Variants in CNNM4 observed in about 807,000 individuals in gnomAD.
CNNM4 encodes cyclin and CBS domain divalent metal cation transport mediator 4.
In CNNM4, 32 loss-of-function variants were observed where a neutral mutation model predicts 53.7. That is an observed-to-expected ratio of 0.60 (90% CI 0.45 to 0.80). The LOEUF (loss-of-function observed/expected upper bound fraction) is 0.80. Among genes scored for constraint, CNNM4 ranks in the 30% least tolerant of loss-of-function variants. The pLI, the probability that CNNM4 is intolerant of heterozygous loss-of-function variation, is 0.00. For missense variants in CNNM4, 784 were observed against 1,022.0 expected (o/e 0.77, Z 3.17); for synonymous variants, 410 against 440.0 (o/e 0.93, Z 0.85).
chr2:96,761,040 C>G lies in CNNM4; in HGVS notation c.41C>G (p.Pro14Arg). ...VGGGGRPVGG[P>R]ARGRLLLAAP... is the part of the protein sequence containing the mutation. ...GGGGGCGGGCGCCCGGTCGGCGGAC[C>G]GGCCCGCGGGCGCCTCCTCCTGGCG... Residue 14 changes from proline to arginine, a missense_variant, in exon 1 of 7, where the codon CCG becomes CGG. By Grantham distance (103) the Pro-to-Arg change is moderately radical. Transcript: ENST00000377075. This position sits in a 1 kb window ranked among gnomAD's most constrained non-coding sequence, Gnocchi z 6.0. The G allele has an allele frequency of 3.3e-6, 4 of 1,226,008 alleles. No individual in the cohort carries two copies. Among genetic ancestry groups the G allele is most frequent in the Non-Finnish European group, 4.1e-6 (4 of 980,654 alleles). The allele number at this position is 1,226,008 out of a possible 1,614,324, so 75.9% of individuals were successfully genotyped here. A position where few individuals can be genotyped will look rare whatever the true frequency, so the allele number is the denominator to read the frequency against.
In CNNM4 at chr2:96,793,393, C is replaced by T. The variant is rs561447286; in HGVS notation, c.1403-3619C>T. On this transcript the variant is annotated intron_variant, in intron 1 of 6. Coordinates refer to ENST00000377075, the MANE Select transcript of CNNM4 (RefSeq NM_020184.4). The stretch of plus-strand genomic sequence containing the variant: ...CCTGCAGAGGGTGACTGACTGGCCC[C>T]TTAGGCTGGAACCTCTGTACGGAAC... Among the ~76,000 whole-genome samples the T allele has an allele frequency of 2.0e-5, 3 of 152,354 alleles. No homozygotes were observed. The South Asian group carries it at 6.2e-4, about 32-fold the overall frequency.
intron 1 of CNNM4, among the ~76,000 whole-genome samples, chr2:96,765,183 A>AGGCC (rs2078805322): frequency 1.3e-5 from 2 of 148,530 alleles, no homozygotes; most frequent in Non-Finnish European, 3.0e-5. Context: ...CTGGAGTGTA[A>AGGCC]TGGCACAATC....
rs1472111098 is a variant in CNNM4, at chr2:96,762,133, C to T, written c.1134C>T (p.Thr378=). The T allele has an allele frequency of 6.2e-7, 1 of 1,613,984 alleles. No homozygotes were observed. The highest frequency in any genetic ancestry group is 8.5e-7 in the Non-Finnish European group (1 of 1,180,032). Residue 378 remains threonine, a synonymous_variant, in exon 1 of 7, where the codon ACC becomes ACT. Coordinates refer to ENST00000377075, the MANE Select transcript of CNNM4 (RefSeq NM_020184.4). ...CCAAAACTGTAGAGGATATCATGACCCAGCTCCAGGACTGCTTCATGATCC... is the reference window on the plus strand; with the variant it reads ...CCAAAACTGTAGAGGATATCATGACTCAGCTCCAGGACTGCTTCATGATCC... ...LRTKTVEDIM[T]QLQDCFMIRS...
intron 5 of CNNM4, among the ~76,000 whole-genome samples, chr2:96,807,286 G>A (rs114898690): frequency 0.024 from 3,657 of 152,220 alleles, 171 homozygotes; most frequent in African/African-American, 0.082. Flanking sequence ...TTACAGGTGT[G>A]AGCCACCTCG....
At chr2:96,802,030 C>G (rs1321176029) in intron 5 of CNNM4, among the ~76,000 whole-genome samples, 1 of 150,622 alleles carries the variant, frequency 6.6e-6, no homozygotes, top group African/African-American at 2.4e-5. Context: ...AGCACCCACC[C>G]ATAGGCACAC....
At position 96,799,053 on chromosome 2, in the gene CNNM4, A is replaced by G. The variant is rs757932492; in HGVS notation, c.1682-4A>G. The stretch of plus-strand genomic sequence containing the variant: ...TGTGAGGTCTCTTCTCTCTCCTCCT[A>G]CAGAGGTCTCTCAGTTTAGCCCCTC... On this transcript the variant is annotated splice_polypyrimidine_tract_variant and splice_region_variant and intron_variant, in intron 3 of 6. Transcript: ENST00000377075. 9 of 1,613,760 alleles carry G rather than the reference A, an allele frequency of 5.6e-6. No homozygotes were observed. The highest frequency in any genetic ancestry group is 7.6e-6 in the Non-Finnish European group (9 of 1,179,888).
chr2:96,772,972 C>T (rs576024631), intron 1 of CNNM4, among the ~76,000 whole-genome samples: 2 of 152,002 alleles, frequency 1.3e-5, no homozygotes, highest in Non-Finnish European at 2.9e-5. Context: ...CACTTGCACA[C>T]ACACACACTC....
chr2:96,782,952 T>C (rs2078987168), intron 1 of CNNM4, among the ~76,000 whole-genome samples: 1 of 152,110 alleles, frequency 6.6e-6, no homozygotes. Context: ...ACACGTGTAA[T>C]CCTACCACTT....
intron 5 of CNNM4, among the ~76,000 whole-genome samples, chr2:96,802,316 C>T (rs540462144): frequency 6.6e-5 from 10 of 152,362 alleles, no homozygotes; most frequent in Admixed American, 5.9e-4. Flanking sequence ...AAGTGAGCAC[C>T]GGCCAGCCTG....
Position 96,803,466 on chromosome 2 carries a change from T to G in CNNM4, c.1948+3818T>G, listed in dbSNP as rs561923517. On this transcript the variant is annotated intron_variant, in intron 5 of 6. Coordinates refer to ENST00000377075, the MANE Select transcript of CNNM4 (RefSeq NM_020184.4). ...TTGGCCGTGCGCGGTGGCTCATGCCTGTAATCCCAACACTTTGGGAGGCCG... is the reference window on the plus strand; with the variant it reads ...TTGGCCGTGCGCGGTGGCTCATGCCGGTAATCCCAACACTTTGGGAGGCCG... Among the ~76,000 whole-genome samples, 12 of 152,320 alleles carry G rather than the reference T, an allele frequency of 7.9e-5. No individual in the cohort carries two copies. The South Asian group carries it at 2.5e-3, about 32-fold the overall frequency.
chr2:96,799,161 T>C lies in CNNM4; in HGVS notation c.1786T>C (p.Tyr596His). The part of the protein sequence containing the change: ...QELKFDEHNK[Y>H]YARHYLYTRN... ...ACTCAAGTTTGACGAGCACAATAAG[T>C]ACTACGCCCGCCATTACCTGTACAC... The change falls in exon 4 of 7, where the codon TAC (tyrosine) becomes CAC (histidine). Residue 596 changes from tyrosine (Y) to histidine (H), a missense_variant. By Grantham distance (83) the Tyr-to-His change is moderately conservative. This residue lies in a region of CNNM4 where 307 missense variants were observed against 376.3 expected (regional missense o/e 0.82). Transcript: ENST00000377075. 1 of 1,613,634 alleles carries C rather than the reference T, an allele frequency of 6.2e-7. No individual in the cohort carries two copies. The highest frequency in any genetic ancestry group is 8.5e-7 in the Non-Finnish European group (1 of 1,179,992).
intron 1 of CNNM4, among the ~76,000 whole-genome samples, chr2:96,788,115 G>T (rs951723990): frequency 6.6e-6 from 1 of 152,116 alleles, no homozygotes; most frequent in Non-Finnish European, 1.5e-5. Flanking sequence ...TAGAGATGGG[G>T]CTTCACCATG....
intron 1 of CNNM4, among the ~76,000 whole-genome samples, chr2:96,770,796 C>T (rs1287803537): frequency 1.3e-5 from 2 of 152,206 alleles, no homozygotes; most frequent in South Asian, 4.1e-4. Context: ...TTGTCCTGCA[C>T]TGAGCGCTGG....
chr2:96,776,503 T>C (rs2078925661), intron 1 of CNNM4, among the ~76,000 whole-genome samples: 1 of 152,220 alleles, frequency 6.6e-6, no homozygotes, highest in Non-Finnish European at 1.5e-5. Context: ...CCTAGTTATT[T>C]TGAAATGTAA....
intron 5 of CNNM4, among the ~76,000 whole-genome samples, chr2:96,803,252 A>C (rs2079174153): frequency 6.6e-6 from 1 of 152,074 alleles, no homozygotes; most frequent in African/African-American, 2.4e-5. Flanking sequence ...TTGAATCCTG[A>C]GAGCAGGTGT....
At chr2:96,784,702 G>T (rs1047843772) in intron 1 of CNNM4, among the ~76,000 whole-genome samples, 2 of 152,152 alleles carry the variant, frequency 1.3e-5, no homozygotes, top group African/African-American at 2.4e-5. Flanking sequence ...CACCCCTTGG[G>T]GTGTGACCCT....
intron 1 of CNNM4, among the ~76,000 whole-genome samples, chr2:96,779,343 T>C (rs2078953555): frequency 6.6e-6 from 1 of 152,032 alleles, no homozygotes; most frequent in Admixed American, 6.6e-5. Flanking sequence ...ACCCTGTCTC[T>C]ACCAAAAATA....
At chr2:96,789,994 C>T (rs1317259459) in intron 1 of CNNM4, among the ~76,000 whole-genome samples, 12 of 115,886 alleles carry the variant, frequency 1.0e-4, no homozygotes, top group South Asian at 8.7e-4. Flanking sequence ...CCAACACACC[C>T]GGGCTAGAAT....
chr2:96,799,457 C>G, intron 4 of CNNM4, 95 bp from the exon 5 acceptor site: 2 of 1,223,472 alleles, frequency 1.6e-6, no homozygotes, highest in Non-Finnish European at 2.4e-6. Flanking sequence ...GCCCTTCCTC[C>G]TGCCCCACTG....
Sources: allele counts gnomAD v4.1 joint callset (sites outside exome capture counted in the v4.1 genomes callset), GRCh38; gene constraint gnomAD v4.1.1; regional missense constraint gnomAD v4.1.1; non-coding constraint Gnocchi (gnomAD v3.1); transcripts MANE v1.5; gene names NCBI Gene and HGNC (gene_info 2026-07-23, HGNC 2026-07-21).